The following EIF2S3B variants were observed in gnomAD, a reference collection of about 807,000 sequenced individuals.
The protein encoded by EIF2S3B is eukaryotic translation initiation factor 2 subunit gamma B, also known as eukaryotic translation initiation factor 2 subunit 3B.
In EIF2S3B, 16 loss-of-function variants were observed where a neutral mutation model predicts 26.4. The observed-to-expected ratio is 0.61, with a 90% CI of 0.41 to 0.92. The LOEUF is 0.92. EIF2S3B is among the 40% of genes least tolerant of loss of function. The probability of loss-of-function intolerance (pLI) is 0.00; values close to 1 mark genes in which losing one functional copy is unlikely to be tolerated. For synonymous variants in EIF2S3B, 183 were observed against 204.4 expected (o/e 0.90, Z 0.89); for missense variants, 510 against 575.5 (o/e 0.89, Z 1.16).
chr12:10,507,311 AT>A lies in EIF2S3B; in HGVS notation c.1410del (p.Asp470GlufsTer58), dbSNP rs1565526485. 6.2e-7 allele frequency: 1 copy of A among 1,613,030 alleles called. No individual in the cohort carries two copies. ...RRGVTIKPTV[D>X]DD is the part of the protein sequence containing the mutation. ...GGAGTGACAATCAAGCCAACAGTAG[AT>A]GATGACTGAAGAATACCGGTTAAAT... On this transcript the variant is annotated frameshift_variant, in exon 1 of 1. Transcript: ENST00000538173. LOFTEE classifies it high-confidence loss of function.
chr12:10,519,112 T>C (rs928270891), intron 1 of EIF2S3B, among the ~76,000 whole-genome samples: 16 of 151,746 alleles, frequency 1.1e-4, no homozygotes, highest in Non-Finnish European at 2.4e-4. Flanking sequence ...CAAACTATAC[T>C]ACAAGGCTAC....
At chr12:10,522,430 A>G (rs1373842643) in intron 1 of EIF2S3B, among the ~76,000 whole-genome samples, 3 of 152,240 alleles carry the variant, frequency 2.0e-5, no homozygotes, top group Non-Finnish European at 4.4e-5. Context: ...AGTTTTAAAA[A>G]GAGTATAAAT....
chr12:10,514,625 C>G (rs1401679431), intron 1 of EIF2S3B, among the ~76,000 whole-genome samples: 1 of 152,142 alleles, frequency 6.6e-6, no homozygotes, highest in African/African-American at 2.4e-5. Context: ...GTTTAATGTT[C>G]TTCTTGTGTT....
At chr12:10,511,872 C>T (rs568506736), downstream of EIF2S3B, among the ~76,000 whole-genome samples, 3 of 152,218 alleles carry the variant, frequency 2.0e-5, no homozygotes, top group Admixed American at 1.3e-4. Flanking sequence ...TGTAAAAGCA[C>T]AGTCTATGGC....
At chr12:10,521,007 G>T (rs1390006871) in intron 1 of EIF2S3B, among the ~76,000 whole-genome samples, 4 of 152,160 alleles carry the variant, frequency 2.6e-5, no homozygotes, top group African/African-American at 9.7e-5. Flanking sequence ...CTTTTAGGCT[G>T]TCTTTTAGGT....
rs1283581925 is a variant in EIF2S3B, at chr12:10,506,683, T to A, written c.781T>A (p.Ser261Thr). 6.2e-7 allele frequency: 1 copy of A among 1,614,022 alleles called. No homozygotes were observed. Among genetic ancestry groups the A allele is most frequent in the East Asian group, 2.2e-5 (1 of 44,882 alleles). ...AGAGCCCCGGCTTATTGTTATTAGA[T>A]CTTTTGATGTCAACAAACCTGGCTG... ...TSEPRLIVIR[S>T]FDVNKPGCEV... Residue 261 changes from serine (S) to threonine (T), a missense_variant, in exon 1 of 1, where the codon TCT becomes ACT. Physicochemically the swap from Ser to Thr is moderately conservative, Grantham distance 58 (BLOSUM62 1). Coordinates refer to ENST00000538173, the MANE Select transcript of EIF2S3B (RefSeq NM_001357734.3).
rs139393641 is a variant in EIF2S3B, at chr12:10,522,982, C to T, written c.*287C>T. 1,022 of 186,474 alleles carry T rather than the reference C, an allele frequency of 5.5e-3. 10 individuals carry two copies. Among genetic ancestry groups the T allele is most frequent in the African/African-American group, 0.022 (950 of 43,014 alleles). 11.6% of individuals were successfully genotyped at this position (186,474 alleles called of 1,614,324 possible). A position where few individuals can be genotyped will look rare whatever the true frequency, so the allele number is the denominator to read the frequency against. Reference sequence around the variant, plus strand: ...TTATATACACATAAACATGTATATACATACATGTATATATTTTTATAGAGT... The same window carrying T: ...TTATATACACATAAACATGTATATATATACATGTATATATTTTTATAGAGT... On this transcript the variant is annotated 3_prime_UTR_variant, in exon 2 of 2. Transcript: ENST00000322446.
In EIF2S3B at chr12:10,507,328, C is replaced by G. The variant is rs1259243718; in HGVS notation, c.*7C>G. ...AACAGTAGATGATGACTGAAGAATACCGGTTAAATAATACATTCGGATGGA... is the reference window on the plus strand; with the variant it reads ...AACAGTAGATGATGACTGAAGAATAGCGGTTAAATAATACATTCGGATGGA... On this transcript the variant is annotated 3_prime_UTR_variant, in exon 1 of 1. Transcript: ENST00000538173. The G allele has an allele frequency of 6.2e-7, 1 of 1,612,392 alleles. No individual in the cohort carries two copies. The highest frequency in any genetic ancestry group is 8.5e-7 in the Non-Finnish European group (1 of 1,178,546).
In EIF2S3B at chr12:10,522,632, G is replaced by A. The variant is rs1184427456; in HGVS notation, c.1338G>A (p.Lys446=). The stretch of plus-strand genomic sequence containing the variant: ...ATCTAATTCACCTTGATTTGATTAA[G>A]GAATTAGAATGGGGCCCAGTTCTTA... The change falls in exon 2 of 2, where the codon AAG becomes AAA. Residue 446 remains lysine (K), a synonymous_variant. Transcript: ENST00000322446. 3 of 695,820 alleles carry A rather than the reference G, an allele frequency of 4.3e-6. No homozygotes were observed. The East Asian group carries it at 8.1e-5, about 19-fold the overall frequency. The allele number at this position is 695,820 out of a possible 1,614,324, so 43.1% of individuals were successfully genotyped here. A position where few individuals can be genotyped will look rare whatever the true frequency, so the allele number is the denominator to read the frequency against.
Position 10,506,296 on chromosome 12 carries a change from T to C in EIF2S3B, c.394T>C (p.Phe132Leu), listed in dbSNP as rs564361332. Residue 132 changes from phenylalanine to leucine, a missense_variant, in exon 1 of 1, where the codon TTT becomes CTT. By Grantham distance (22) the Phe-to-Leu change is conservative (BLOSUM62 0). Coordinates refer to ENST00000538173, the MANE Select transcript of EIF2S3B (RefSeq NM_001357734.3). Reference sequence around the variant, plus strand: ...CTTCAGATTAGTCAGACATGTTTCCTTTGTTGACTGTCCTGGCCACGATAT... The same window carrying C: ...CTTCAGATTAGTCAGACATGTTTCCCTTGTTGACTGTCCTGGCCACGATAT... ...GNFRLVRHVSFVDCPGHDILM... is the reference protein window; with the variant it reads ...GNFRLVRHVSLVDCPGHDILM... 7 of 1,614,130 alleles carry C rather than the reference T, an allele frequency of 4.3e-6. No homozygotes were observed. In the South Asian group the frequency reaches 5.5e-5, roughly 13 times the overall value.
intron 1 of EIF2S3B, among the ~76,000 whole-genome samples, chr12:10,514,414 T>C (rs1454843058): frequency 1.3e-5 from 2 of 152,176 alleles, no homozygotes; most frequent in Non-Finnish European, 2.9e-5. Flanking sequence ...ATACTTATTA[T>C]ATTAATTGAT....
chr12:10,508,106 T>A lies in EIF2S3B; in HGVS notation c.*785T>A. The stretch of plus-strand genomic sequence containing the variant: ...TCTTTGGCCCCATATTTTATGTTGC[T>A]TTATCTTTGAAATTTTGCATGAAAA... On this transcript the variant is annotated 3_prime_UTR_variant, in exon 1 of 1. Transcript: ENST00000538173. 6.6e-6 allele frequency among the ~76,000 whole-genome samples: 1 copy of A among 152,230 alleles called. No homozygotes were observed. Among genetic ancestry groups the A allele is most frequent in the East Asian group, 1.9e-4 (1 of 5,198 alleles).
intron 1 of EIF2S3B, among the ~76,000 whole-genome samples, chr12:10,522,442 T>C (rs145866041): frequency 8.1e-4 from 123 of 152,346 alleles, no homozygotes; most frequent in African/African-American, 2.9e-3. Flanking sequence ...AGTATAAATT[T>C]GTCATCAAAT....
intron 1 of EIF2S3B, among the ~76,000 whole-genome samples, chr12:10,516,755 G>A (rs552052106): frequency 1.4e-3 from 209 of 152,008 alleles, no homozygotes; most frequent in African/African-American, 4.9e-3. Flanking sequence ...GTTTGTCATA[G>A]ATAGCTCTTA....
At chr12:10,510,007 T>C (rs1265507291), downstream of EIF2S3B, among the ~76,000 whole-genome samples, 3 of 152,138 alleles carry the variant, frequency 2.0e-5, no homozygotes, top group South Asian at 2.1e-4. Flanking sequence ...TTCTCAAATA[T>C]TGATGGTGAA....
intron 1 of EIF2S3B, among the ~76,000 whole-genome samples, chr12:10,520,134 G>C (rs1864814329): frequency 6.7e-6 from 1 of 149,682 alleles, no homozygotes; most frequent in South Asian, 2.1e-4. Flanking sequence ...TGATAGACTG[G>C]ATTAAGAAAA....
rs758940147 is a variant in EIF2S3B, at chr12:10,506,813, A to G, written c.911A>G (p.Asp304Gly). Residue 304 changes from aspartate to glycine, a missense_variant, in exon 1 of 1, where the codon GAT becomes GGT. Asp to Gly is a moderately conservative substitution (Grantham distance 94). Coordinates refer to ENST00000538173, the MANE Select transcript of EIF2S3B (RefSeq NM_001357734.3). ...GTAAGACCTGGTATTGTTTCCAAAGATAGTGAAGGAAAACTCATGTGTAAA... is the reference window on the plus strand; with the variant it reads ...GTAAGACCTGGTATTGTTTCCAAAGGTAGTGAAGGAAAACTCATGTGTAAA... ...TEVRPGIVSK[D>G]SEGKLMCKSI... The G allele has an allele frequency of 6.2e-7, 1 of 1,613,592 alleles. No individual in the cohort carries two copies.
chr12:10,514,711 C>A (rs1319719605), intron 1 of EIF2S3B, among the ~76,000 whole-genome samples: 6 of 152,178 alleles, frequency 3.9e-5, no homozygotes. Flanking sequence ...ATTTCCTCCT[C>A]TCCCTCAACC....
chr12:10,506,528 C>T lies in EIF2S3B; in HGVS notation c.626C>T (p.Ala209Val), dbSNP rs772757954. Residue 209 changes from alanine (A) to valine (V), a missense_variant, in exon 1 of 1, where the codon GCG becomes GTG. Coordinates refer to ENST00000538173, the MANE Select transcript of EIF2S3B (RefSeq NM_001357734.3). ...AAAGAACAATACGAGCAGATCCTTG[C>T]GTTTGTCCAAGGTACAGTAGCAGAG... ...QAKEQYEQIL[A>V]FVQGTVAEGA... The T allele has an allele frequency of 6.3e-6, 10 of 1,593,066 alleles. No homozygotes were observed. Among genetic ancestry groups the T allele is most frequent in the Middle Eastern group, 1.7e-4 (1 of 6,042 alleles).
Sources: allele counts gnomAD v4.1 joint callset (sites outside exome capture counted in the v4.1 genomes callset), GRCh38; gene constraint gnomAD v4.1.1; transcripts MANE v1.5; gene names NCBI Gene and HGNC (gene_info 2026-07-23, HGNC 2026-07-21).